The following NAALADL2 variants were observed in gnomAD, a reference collection of about 807,000 sequenced individuals.
NAALADL2 encodes N-acetylated alpha-linked acidic dipeptidase like 2, also known as inactive N-acetylated-alpha-linked acidic dipeptidase-like protein 2.
Under a neutral mutation model 87.2 loss-of-function variants are expected in NAALADL2, and 76 were observed. That is an observed-to-expected ratio of 0.87 (90% CI 0.72 to 1.05). The LOEUF (loss-of-function observed/expected upper bound fraction) is 1.05. Among genes scored for constraint, NAALADL2 ranks in the 50% least tolerant of loss-of-function variants. The pLI is 0.00. For synonymous variants in NAALADL2, 354 were observed against 331.0 expected, an observed-to-expected ratio of 1.07 and a Z score of -0.75; for missense variants, 1,089 against 945.8, an observed-to-expected ratio of 1.15 and a Z score of -1.99.
intron 10 of NAALADL2, among the ~76,000 whole-genome samples, chr3:175,590,946 C>T (rs1721362032): frequency 6.6e-6 from 1 of 151,972 alleles, no homozygotes; most frequent in African/African-American, 2.4e-5. Context: ...ATTAAGAGGC[C>T]CAGGGCATGA....
intron 2 of NAALADL2, among the ~76,000 whole-genome samples, chr3:174,564,307 G>A (rs1017082619): frequency 2.0e-5 from 3 of 152,038 alleles, no homozygotes; most frequent in Non-Finnish European, 4.4e-5. Flanking sequence ...AAAAACATGC[G>A]GCTGGCAAGG....
intron 9 of NAALADL2, among the ~76,000 whole-genome samples, chr3:175,547,105 A>T (rs1713465149): frequency 6.6e-6 from 1 of 152,068 alleles, no homozygotes; most frequent in Non-Finnish European, 1.5e-5. Context: ...GAGCCCAAAG[A>T]GCCAAGGCAA....
intron 4 of NAALADL2, among the ~76,000 whole-genome samples, chr3:175,287,616 C>T (rs1755142517): frequency 6.6e-6 from 1 of 152,150 alleles, no homozygotes; most frequent in African/African-American, 2.4e-5. Flanking sequence ...TGTGCTCTTA[C>T]CCACGATGCT....
chr3:174,632,205 G>C (rs79931631), intron 2 of NAALADL2: 1 of 152,124 alleles, frequency 6.6e-6, no homozygotes, highest in Non-Finnish European at 1.5e-5. Flanking sequence ...TTTCTTCAAC[G>C]AAGTGGATTA....
Position 174,975,548 on chromosome 3 carries a change from C to T in NAALADL2, c.43+116098C>T, listed in dbSNP as rs376159204. Among the ~76,000 whole-genome samples, 23 of 152,218 alleles carry T rather than the reference C, an allele frequency of 1.5e-4. No homozygotes were observed. The East Asian group carries it at 2.3e-3, about 15-fold the overall frequency. ...TTGCACCAACCTAAAATAATAACCCCGCCGCCCCCCCACCTACCTTGAGTG... is the reference window on the plus strand; with the variant it reads ...TTGCACCAACCTAAAATAATAACCCTGCCGCCCCCCCACCTACCTTGAGTG... On this transcript the variant is annotated intron_variant, in intron 1 of 13. Transcript: ENST00000454872.
At chr3:175,299,837 G>A (rs1213724923) in intron 4 of NAALADL2, among the ~76,000 whole-genome samples, 1 of 152,166 alleles carries the variant, frequency 6.6e-6, no homozygotes, top group Non-Finnish European at 1.5e-5. Context: ...AATAGGAGTG[G>A]TGAGAAAGGG....
chr3:174,877,974 G>A (rs1029484760), intron 1 of NAALADL2, among the ~76,000 whole-genome samples: 2 of 151,994 alleles, frequency 1.3e-5, no homozygotes, highest in Non-Finnish European at 2.9e-5. Context: ...GCTTATTAGG[G>A]CACTTCCAAA....
chr3:174,592,085 C>T (rs373739716), intron 2 of NAALADL2, among the ~76,000 whole-genome samples: 1 of 151,942 alleles, frequency 6.6e-6, no homozygotes, highest in Non-Finnish European at 1.5e-5. Context: ...TATAATAGAA[C>T]AATTCCCAAG....
chr3:175,582,416 A>T (rs1447037417), intron 10 of NAALADL2, among the ~76,000 whole-genome samples: 1 of 152,196 alleles, frequency 6.6e-6, no homozygotes, highest in Non-Finnish European at 1.5e-5. Flanking sequence ...AATATATAGC[A>T]TACGCACTAT....
chr3:175,181,743 A>ATATATG (rs1736561592), intron 2 of NAALADL2, among the ~76,000 whole-genome samples: 1 of 98,218 alleles, frequency 1.0e-5, no homozygotes, highest in African/African-American at 3.8e-5. Context: ...ATGTGTATAT[A>ATATATG]TGTATATATA....
intron 1 of NAALADL2, among the ~76,000 whole-genome samples, chr3:174,861,627 A>G (rs73049809): frequency 0.017 from 2,663 of 152,178 alleles, 70 homozygotes; most frequent in African/African-American, 0.06. Context: ...CTATGAGGAT[A>G]ATATATTATG....
At chr3:174,943,732 G>A (rs971345652) in intron 1 of NAALADL2, among the ~76,000 whole-genome samples, 5 of 152,176 alleles carry the variant, frequency 3.3e-5, no homozygotes, top group East Asian at 1.9e-4. Flanking sequence ...TTGGTGATGA[G>A]CAGCAGGGTG....
chr3:174,977,196 T>C (rs1744471359), intron 1 of NAALADL2, among the ~76,000 whole-genome samples: 1 of 152,144 alleles, frequency 6.6e-6, no homozygotes, highest in African/African-American at 2.4e-5. Context: ...GTTGAACTCA[T>C]AGAAGTAGAG....
chr3:175,423,302 C>G (rs1433656394), intron 5 of NAALADL2, among the ~76,000 whole-genome samples: 1 of 143,522 alleles, frequency 7.0e-6, no homozygotes, highest in Non-Finnish European at 1.5e-5. Context: ...TTTTAGGGTA[C>G]AAGTGCACAA....
intron 1 of NAALADL2, among the ~76,000 whole-genome samples, chr3:175,073,184 T>G (rs1381939627): frequency 6.6e-6 from 1 of 152,134 alleles, no homozygotes; most frequent in Non-Finnish European, 1.5e-5. Context: ...CCTCAGTTAC[T>G]AATGAGACAT....
intron 4 of NAALADL2, among the ~76,000 whole-genome samples, chr3:175,282,698 C>T (rs1364737856): frequency 6.6e-6 from 1 of 151,970 alleles, no homozygotes; most frequent in Non-Finnish European, 1.5e-5. Flanking sequence ...TACATTTATT[C>T]AACAACTCAG....
chr3:174,649,239 AG>A (rs1454957751), intron 2 of NAALADL2, among the ~76,000 whole-genome samples: 1 of 152,164 alleles, frequency 6.6e-6, no homozygotes, highest in Admixed American at 6.5e-5. Context: ...CTGGGATTAC[AG>A]GCATGAGCCA....
intron 2 of NAALADL2, among the ~76,000 whole-genome samples, chr3:174,669,305 C>T (rs1269752939): frequency 6.6e-6 from 1 of 151,844 alleles, no homozygotes; most frequent in Non-Finnish European, 1.5e-5. Flanking sequence ...ATTGTAGATT[C>T]TGGATATTAG....
Position 175,097,087 on chromosome 3 carries a change from C to A in NAALADL2, c.341C>A (p.Ala114Glu). The stretch of plus-strand genomic sequence containing the variant: ...TACATTACCCATTATACACGATCTG[C>A]ACCAAAGAGCAATCGCTGCAACTTT... ...SDYITHYTRS[A>E]PKSNRCNFCH... The change falls in exon 2 of 14, where the codon GCA (alanine) becomes GAA (glutamate). Residue 114 changes from alanine to glutamate, a missense_variant. Ala to Glu is a moderately radical substitution (Grantham distance 107). Transcript: ENST00000454872. 1 of 1,613,694 alleles carries A rather than the reference C, an allele frequency of 6.2e-7. No individual in the cohort carries two copies. Among genetic ancestry groups the A allele is most frequent in the South Asian group, 1.1e-5 (1 of 91,080 alleles).
Sources: allele counts gnomAD v4.1 joint callset (sites outside exome capture counted in the v4.1 genomes callset), GRCh38; gene constraint gnomAD v4.1.1; transcripts MANE v1.5; gene names NCBI Gene and HGNC (gene_info 2026-07-23, HGNC 2026-07-21).